GRM5: variants seen among roughly 807,000 people sequenced by gnomAD.
The protein encoded by GRM5 is metabotropic glutamate receptor 5.
In GRM5, 19 loss-of-function variants were observed where a neutral mutation model predicts 83.1. The ratio of observed to expected loss-of-function variants is 0.23; its 90% CI spans 0.16 to 0.34. GRM5 has a LOEUF of 0.34. Among genes scored for constraint, GRM5 ranks in the 10% least tolerant of loss-of-function variants. The probability of loss-of-function intolerance (pLI) is 1.00; values close to 1 mark genes in which losing one functional copy is unlikely to be tolerated. For synonymous variants in GRM5, 675 were observed against 633.6 expected, an observed-to-expected ratio of 1.07 and a Z score of -0.98; for missense variants, 1,160 against 1,588.3, an observed-to-expected ratio of 0.73 and a Z score of 4.58.
At chr11:89,055,478 G>A (rs900706881) in intron 1 of GRM5, among the ~76,000 whole-genome samples, 1 of 151,970 alleles carries the variant, frequency 6.6e-6, no homozygotes, top group Non-Finnish European at 1.5e-5. Flanking sequence ...TAATATTGTA[G>A]GATGTTTAAG....
chr11:88,710,193 C>T (rs146707961), intron 3 of GRM5, among the ~76,000 whole-genome samples: 1 of 152,252 alleles, frequency 6.6e-6, no homozygotes, highest in East Asian at 1.9e-4. Flanking sequence ...AAATTGCAAT[C>T]ATGTTCACCA....
rs1319109793 is a variant in GRM5, at chr11:88,606,939, GTGTTTT to G, written c.1148-1981_1148-1976del. Among the ~76,000 whole-genome samples, 13 of 142,358 alleles carry G rather than the reference GTGTTTT, an allele frequency of 9.1e-5. 1 individual carries two copies. In the East Asian group the frequency reaches 2.8e-3, roughly 30 times the overall value. The allele number at this position is 142,358 out of a possible 152,430, so 93.4% of individuals were successfully genotyped here. A position where few individuals can be genotyped will look rare whatever the true frequency, so the allele number is the denominator to read the frequency against. Reference sequence around the variant, plus strand: ...GGAAGAAATGTTTTCTTTAAGAAAGGTGTTTTTTTTTTTTTTTTTCAACAACAACAA... The same window carrying G: ...GGAAGAAATGTTTTCTTTAAGAAAGGTTTTTTTTTTTTTCAACAACAACAA... On this transcript the variant is annotated intron_variant, in intron 4 of 9. Transcript: ENST00000305447.
Position 88,623,733 on chromosome 11 carries a change from A to G in GRM5, c.1148-18769T>C, listed in dbSNP as rs1938709010. On this transcript the variant is annotated intron_variant, in intron 4 of 9. Transcript: ENST00000305447. Reference sequence around the variant, plus strand: ...TCAGTATTTATTTGCAATCAAGTTCACGATAGGGTGCAAATGTAGTCATAC... The same window carrying G: ...TCAGTATTTATTTGCAATCAAGTTCGCGATAGGGTGCAAATGTAGTCATAC... Among the ~76,000 whole-genome samples, 2 of 152,162 alleles carry G rather than the reference A, an allele frequency of 1.3e-5. 1 individual carries two copies. The highest frequency in any genetic ancestry group is 4.8e-5 in the African/African-American group (2 of 41,440).
chr11:88,756,674 T>C (rs1310085044), intron 3 of GRM5, among the ~76,000 whole-genome samples: 2 of 152,106 alleles, frequency 1.3e-5, no homozygotes, highest in Admixed American at 6.5e-5. Context: ...CTATAAATTA[T>C]ACATTGTATA....
intron 8 of GRM5, among the ~76,000 whole-genome samples, chr11:88,545,093 C>A (rs1005202375): frequency 2.0e-5 from 3 of 152,204 alleles, no homozygotes; most frequent in African/African-American, 7.2e-5. Context: ...TTAACTCTAT[C>A]TAACCTGACT....
intron 2 of GRM5, among the ~76,000 whole-genome samples, chr11:89,027,638 G>A (rs12224116): frequency 0.31 from 46,904 of 152,108 alleles, 8,622 homozygotes; most frequent in Non-Finnish European, 0.4. Flanking sequence ...AAATAAGACC[G>A]TGACATCTAA....
In GRM5 at chr11:88,506,373, C is replaced by A. The variant is rs1473566433; in HGVS notation, c.*2219G>T. On this transcript the variant is annotated 3_prime_UTR_variant, in exon 10 of 10. Coordinates refer to ENST00000305447, the MANE Select transcript of GRM5 (RefSeq NM_001143831.3). ...ATAAAACAAATTTTAAAATGTAGAG[C>A]ATATCAAGAAAGGTTTTTAATACCT... is the stretch of plus-strand genomic sequence containing the variant. 1.3e-5 allele frequency: 2 copies of A among 152,072 alleles called. No homozygotes were observed. The highest frequency in any genetic ancestry group is 2.9e-5 in the Non-Finnish European group (2 of 67,984). 9.4% of individuals were successfully genotyped at this position (152,072 alleles called of 1,614,324 possible).
intron 8 of GRM5, among the ~76,000 whole-genome samples, chr11:88,528,146 A>T (rs1941924953): frequency 6.6e-6 from 1 of 152,142 alleles, no homozygotes; most frequent in Non-Finnish European, 1.5e-5. Flanking sequence ...CTTTTGGTAA[A>T]AGCTTTCACT....
intron 8 of GRM5, among the ~76,000 whole-genome samples, chr11:88,529,099 T>C (rs1397866414): frequency 3.3e-5 from 5 of 152,056 alleles, no homozygotes; most frequent in African/African-American, 4.8e-5. Flanking sequence ...AATCTAGTGA[T>C]AGGACTTTAA....
chr11:88,544,181 G>A (rs1192048052), intron 8 of GRM5, among the ~76,000 whole-genome samples: 2 of 152,132 alleles, frequency 1.3e-5, no homozygotes, highest in African/African-American at 4.8e-5. Context: ...CCAGTCTTCA[G>A]AACTGAGAAA....
At chr11:88,760,948 G>T (rs968914709) in intron 3 of GRM5, among the ~76,000 whole-genome samples, 1 of 151,950 alleles carries the variant, frequency 6.6e-6, no homozygotes, top group Non-Finnish European at 1.5e-5. Flanking sequence ...CAGAACTAAA[G>T]CCAAAAACCA....
intron 3 of GRM5, among the ~76,000 whole-genome samples, chr11:88,659,006 G>A (rs551843417): frequency 1.3e-5 from 2 of 152,234 alleles, no homozygotes; most frequent in African/African-American, 4.8e-5. Flanking sequence ...TAGAGCTGTC[G>A]GAGATGAAGG....
intron 3 of GRM5, among the ~76,000 whole-genome samples, chr11:88,676,808 T>A (rs984193393): frequency 1.3e-5 from 2 of 152,080 alleles, no homozygotes; most frequent in African/African-American, 2.4e-5. Flanking sequence ...TTAATTCATT[T>A]AAGTAACACA....
chr11:88,887,608 C>T (rs1192852404), intron 2 of GRM5, among the ~76,000 whole-genome samples: 1 of 152,080 alleles, frequency 6.6e-6, no homozygotes, highest in Non-Finnish European at 1.5e-5. Context: ...GTGCCGGGAC[C>T]CAGGAACCAT....
intron 6 of GRM5, among the ~76,000 whole-genome samples, chr11:88,595,746 T>C (rs530974734): frequency 7.2e-5 from 11 of 152,312 alleles, no homozygotes; most frequent in African/African-American, 2.4e-4. Context: ...TCCTCTTCTT[T>C]GACCTTTCTC....
intron 2 of GRM5, among the ~76,000 whole-genome samples, chr11:88,916,911 C>A (rs1199914523): frequency 6.6e-6 from 1 of 152,120 alleles, no homozygotes; most frequent in Non-Finnish European, 1.5e-5. Flanking sequence ...CAGAAGGGAA[C>A]CTGCAGCCCT....
chr11:88,593,816 C>T (rs1266557813), intron 6 of GRM5, among the ~76,000 whole-genome samples: 1 of 144,918 alleles, frequency 6.9e-6, no homozygotes, highest in Non-Finnish European at 1.5e-5. Context: ...TTCTTTTTGA[C>T]GTAGTCTCAC....
intron 3 of GRM5, among the ~76,000 whole-genome samples, chr11:88,831,374 C>G (rs1045634812): frequency 2.0e-5 from 3 of 152,182 alleles, no homozygotes; most frequent in Non-Finnish European, 2.9e-5. Context: ...GATTGAACTC[C>G]CAGCCTCCTG....
chr11:88,966,028 A>G (rs1436411383), intron 2 of GRM5, among the ~76,000 whole-genome samples: 3 of 152,194 alleles, frequency 2.0e-5, no homozygotes, highest in African/African-American at 7.2e-5. Flanking sequence ...AAATTTACGA[A>G]AGTAAAAATC....
Sources: allele counts gnomAD v4.1 joint callset (sites outside exome capture counted in the v4.1 genomes callset), GRCh38; gene constraint gnomAD v4.1.1; transcripts MANE v1.5; gene names NCBI Gene and HGNC (gene_info 2026-07-23, HGNC 2026-07-21).